The following BCAS3 variants were observed in gnomAD, a reference collection of about 807,000 sequenced individuals.
The protein encoded by BCAS3 is BCAS4/BCAS3 fusion.
Under a neutral mutation model 116.1 loss-of-function variants are expected in BCAS3, and 53 were observed. The observed-to-expected ratio is 0.46, with a 90% CI of 0.37 to 0.57. The LOEUF (loss-of-function observed/expected upper bound fraction) is 0.57, where lower values mean the gene tolerates loss of function less well. Among genes scored for constraint, BCAS3 ranks in the 20% least tolerant of loss-of-function variants. The pLI, the probability that BCAS3 is intolerant of heterozygous loss-of-function variation, is 0.00. For missense variants in BCAS3, 917 were observed against 1,165.4 expected (o/e 0.79, Z 3.10); for synonymous variants, 391 against 408.2 (o/e 0.96, Z 0.51).
chr17:61,263,130 AC>A (rs2049374826), intron 22 of BCAS3, among the ~76,000 whole-genome samples: 1 of 152,252 alleles, frequency 6.6e-6, no homozygotes, highest in Non-Finnish European at 1.5e-5. Context: ...AGAAGTGTTC[AC>A]CGAGGGGAGT....
intron 6 of BCAS3, among the ~76,000 whole-genome samples, chr17:60,776,447 G>A (rs1246221043): frequency 2.6e-5 from 4 of 152,126 alleles, no homozygotes; most frequent in Admixed American, 1.3e-4. Flanking sequence ...ATGGCTGTGC[G>A]CGGTGGCTCA....
Position 61,026,884 on chromosome 17 carries a change from G to C in BCAS3, c.1638-7782G>C, listed in dbSNP as rs201407349. 6.2e-7 allele frequency: 1 copy of C among 1,601,396 alleles called. No homozygotes were observed. Reference sequence around the variant, plus strand: ...CATGAAGGCCTTATCTCTTTGGAGCGGGGTGTTTTTCCATAAAAGCCCCAT... The same window carrying C: ...CATGAAGGCCTTATCTCTTTGGAGCCGGGTGTTTTTCCATAAAAGCCCCAT... On this transcript the variant is annotated intron_variant, in intron 16 of 23. Transcript: ENST00000407086. This position sits in a 1 kb window ranked among gnomAD's most constrained non-coding sequence, Gnocchi z 5.0.
Position 61,282,327 on chromosome 17 carries a change from CTTGG to C in BCAS3, c.2426-85995_2426-85992del, listed in dbSNP as rs2051309255. Among the ~76,000 whole-genome samples, 1 of 152,110 alleles carries C rather than the reference CTTGG, an allele frequency of 6.6e-6. No homozygotes were observed. Among genetic ancestry groups the C allele is most frequent in the African/African-American group, 2.4e-5 (1 of 41,422 alleles). Reference sequence around the variant, plus strand: ...TACCGATGAGAAGGCTTTCCTGAGCCTTGGTTGGGAGCTGAATGAGAAGGGGCAA... The same window carrying C: ...TACCGATGAGAAGGCTTTCCTGAGCCTTGGGAGCTGAATGAGAAGGGGCAA... On this transcript the variant is annotated intron_variant, in intron 22 of 23. Coordinates refer to ENST00000407086, the MANE Select transcript of BCAS3 (RefSeq NM_017679.5). The surrounding 1 kb of genome is among the most constrained non-coding windows in gnomAD (Gnocchi z 5.9).
intron 11 of BCAS3, 35 bp downstream of exon 11, chr17:60,902,738 A>G (rs1279906705): frequency 6.3e-6 from 9 of 1,439,038 alleles, no homozygotes; most frequent in South Asian, 2.3e-5. Context: ...AGTTGTGGTT[A>G]TGTGTAGTAA....
At chr17:60,831,228 G>A (rs1289145295) in intron 7 of BCAS3, among the ~76,000 whole-genome samples, 2 of 152,018 alleles carry the variant, frequency 1.3e-5, no homozygotes, top group African/African-American at 2.4e-5. Flanking sequence ...CCAGGCTGGA[G>A]TGTAGTGGCA....
Position 61,276,415 on chromosome 17 carries a change from C to T in BCAS3, c.2426-91912C>T, listed in dbSNP as rs1294916627. Among the ~76,000 whole-genome samples the T allele has an allele frequency of 3.9e-5, 6 of 151,980 alleles. No individual in the cohort carries two copies. Among genetic ancestry groups the T allele is most frequent in the African/African-American group, 1.2e-4 (5 of 41,462 alleles). On this transcript the variant is annotated intron_variant, in intron 22 of 23. Transcript: ENST00000407086. The surrounding 1 kb of genome is among the most constrained non-coding windows in gnomAD (Gnocchi z 4.2). ...TTCTATACAGTAGCAATGAGCAAAC[C>T]GCAAATAAAATTAGGAAAGCTATTT...
At chr17:61,031,749 T>G (rs1302647351) in intron 16 of BCAS3, among the ~76,000 whole-genome samples, 1 of 152,120 alleles carries the variant, frequency 6.6e-6, no homozygotes, top group Non-Finnish European at 1.5e-5. Context: ...GAAAACTCTT[T>G]TGACTCCTTA....
rs2079987758 is a variant in BCAS3 at position 61,189,695 on chromosome 17, T to G, written c.2425+105131T>G. Among the ~76,000 whole-genome samples, 1 of 152,142 alleles carries G rather than the reference T, an allele frequency of 6.6e-6. No homozygotes were observed. The highest frequency in any genetic ancestry group is 1.9e-4 in the East Asian group (1 of 5,196). On this transcript the variant is annotated intron_variant, in intron 22 of 23. Coordinates refer to ENST00000407086, the MANE Select transcript of BCAS3 (RefSeq NM_017679.5). The surrounding 1 kb of genome is among the most constrained non-coding windows in gnomAD (Gnocchi z 4.5). Reference sequence around the variant, plus strand: ...AGGCATGGTGACTGGATATCAGTCATGAGGAGAAGGGGGAAGAGTTTAATA... The same window carrying G: ...AGGCATGGTGACTGGATATCAGTCAGGAGGAGAAGGGGGAAGAGTTTAATA...
intron 17 of BCAS3, among the ~76,000 whole-genome samples, chr17:61,035,452 G>A (rs895227899): frequency 6.6e-6 from 1 of 151,866 alleles, no homozygotes; most frequent in Admixed American, 6.6e-5. Context: ...GCGTGGTGGT[G>A]CACGCTTGTA....
In BCAS3 at chr17:61,251,117, T is replaced by C. The variant is rs2048338114; in HGVS notation, c.2426-117210T>C. 1.3e-5 allele frequency among the ~76,000 whole-genome samples: 2 copies of C among 152,210 alleles called. No individual in the cohort carries two copies. The highest frequency in any genetic ancestry group is 2.9e-5 in the Non-Finnish European group (2 of 68,040). The stretch of plus-strand genomic sequence containing the variant: ...TCATTTCCTGTGAGCCAGTCTTACA[T>C]CACTGGTGCAAGAATTGGGCAGTGC... On this transcript the variant is annotated intron_variant, in intron 22 of 23. Coordinates refer to ENST00000407086, the MANE Select transcript of BCAS3 (RefSeq NM_017679.5). The surrounding 1 kb of genome is among the most constrained non-coding windows in gnomAD (Gnocchi z 4.7).
chr17:61,324,602 G>C lies in BCAS3; in HGVS notation c.2426-43725G>C, dbSNP rs557840451. Among the ~76,000 whole-genome samples, 1 of 152,166 alleles carries C rather than the reference G, an allele frequency of 6.6e-6. No homozygotes were observed. The highest frequency in any genetic ancestry group is 2.4e-5 in the African/African-American group (1 of 41,436). ...AGCACTGAATGACAGTAAAGTAAGG[G>C]CTGGGCCTGGGGTCAGCAGCCTGGC... On this transcript the variant is annotated intron_variant, in intron 22 of 23. Coordinates refer to ENST00000407086, the MANE Select transcript of BCAS3 (RefSeq NM_017679.5). This position sits in a 1 kb window ranked among gnomAD's most constrained non-coding sequence, Gnocchi z 4.6.
At position 61,073,378 on chromosome 17, in the gene BCAS3, A is replaced by G. The variant is rs1242445095; in HGVS notation, c.2030-1542A>G. Reference sequence around the variant, plus strand: ...ATTTCTCCTCTTGCAGCAAGTTAAGATAAGCTTTTTGTGAGTCTGTGTCTT... The same window carrying G: ...ATTTCTCCTCTTGCAGCAAGTTAAGGTAAGCTTTTTGTGAGTCTGTGTCTT... On this transcript the variant is annotated intron_variant, in intron 19 of 23. Transcript: ENST00000407086. This position sits in a 1 kb window ranked among gnomAD's most constrained non-coding sequence, Gnocchi z 4.6. Among the ~76,000 whole-genome samples, 1 of 152,194 alleles carries G rather than the reference A, an allele frequency of 6.6e-6. No homozygotes were observed. The highest frequency in any genetic ancestry group is 1.5e-5 in the Non-Finnish European group (1 of 68,024).
rs2051834197 is a variant in BCAS3, at chr17:61,286,764, G to C, written c.2426-81563G>C. 6.6e-6 allele frequency among the ~76,000 whole-genome samples: 1 copy of C among 152,200 alleles called. No homozygotes were observed. The highest frequency in any genetic ancestry group is 2.4e-5 in the African/African-American group (1 of 41,454). On this transcript the variant is annotated intron_variant, in intron 22 of 23. Coordinates refer to ENST00000407086, the MANE Select transcript of BCAS3 (RefSeq NM_017679.5). This position sits in a 1 kb window ranked among gnomAD's most constrained non-coding sequence, Gnocchi z 4.8. ...TAAACTCTGCCACGGGCTTACCAGAGTGAGAAGTTAGCATATTGAGGCAAA... is the reference window on the plus strand; with the variant it reads ...TAAACTCTGCCACGGGCTTACCAGACTGAGAAGTTAGCATATTGAGGCAAA...
At chr17:60,776,010 T>C (rs1431391399) in intron 6 of BCAS3, among the ~76,000 whole-genome samples, 1 of 152,210 alleles carries the variant, frequency 6.6e-6, no homozygotes, top group Non-Finnish European at 1.5e-5. Context: ...GCAGTCTTTA[T>C]TGGATTGGAA....
intron 10 of BCAS3, among the ~76,000 whole-genome samples, chr17:60,895,879 G>T (rs1440694032): frequency 1.3e-5 from 2 of 152,190 alleles, no homozygotes; most frequent in African/African-American, 4.8e-5. Context: ...GGTCTGAGAA[G>T]ATACTTGATA....
In BCAS3 at chr17:61,251,341, G is replaced by A. The variant is rs1333384632; in HGVS notation, c.2426-116986G>A. Among the ~76,000 whole-genome samples, 4 of 152,122 alleles carry A rather than the reference G, an allele frequency of 2.6e-5. No homozygotes were observed. Among genetic ancestry groups the A allele is most frequent in the East Asian group, 3.9e-4 (2 of 5,192 alleles). Reference sequence around the variant, plus strand: ...TCCCAGCACTCTGGGAGGCTGAGGCGGGCGGATCACCTGAGGTCAGAGTTT... The same window carrying A: ...TCCCAGCACTCTGGGAGGCTGAGGCAGGCGGATCACCTGAGGTCAGAGTTT... On this transcript the variant is annotated intron_variant, in intron 22 of 23. Coordinates refer to ENST00000407086, the MANE Select transcript of BCAS3 (RefSeq NM_017679.5). This position sits in a 1 kb window ranked among gnomAD's most constrained non-coding sequence, Gnocchi z 4.7.
At chr17:61,237,999 C>G (rs1327290899) in intron 22 of BCAS3, among the ~76,000 whole-genome samples, 1 of 152,162 alleles carries the variant, frequency 6.6e-6, no homozygotes, top group South Asian at 2.1e-4. Context: ...ATGATCACCA[C>G]CCTGAGTTGG....
chr17:60,924,516 G>GTA lies in BCAS3; in HGVS notation c.1087+17_1087+18insAT. ...AATACAAGTGGTAAGTTCGCTCTCT[G>GTA]TCTTTTTTTTTTTTTTTTTTGTAGA... On this transcript the variant is annotated intron_variant, in intron 13 of 23. Transcript: ENST00000407086. The GTA allele has an allele frequency of 4.0e-6, 5 of 1,259,366 alleles. No individual in the cohort carries two copies. The highest frequency in any genetic ancestry group is 2.7e-5 in the East Asian group (1 of 37,078). 78.0% of individuals were successfully genotyped at this position (1,259,366 alleles called of 1,614,324 possible).
In BCAS3 at chr17:61,226,285, A is replaced by C. The variant is rs2082369004; in HGVS notation, c.2425+141721A>C. On this transcript the variant is annotated intron_variant, in intron 22 of 23. Transcript: ENST00000407086. The surrounding 1 kb of genome is among the most constrained non-coding windows in gnomAD (Gnocchi z 6.0). The stretch of plus-strand genomic sequence containing the variant: ...AAAATTCTCTATAAAAAATTCAGGA[A>C]ATAATTGTTTTGTGATACCTAATTT... Among the ~76,000 whole-genome samples the C allele has an allele frequency of 6.6e-6, 1 of 152,216 alleles. No homozygotes were observed. Among genetic ancestry groups the C allele is most frequent in the African/African-American group, 2.4e-5 (1 of 41,454 alleles).
Sources: gnomAD v4.1 joint callset for allele counts (sites outside exome capture counted in the v4.1 genomes callset) on GRCh38, gnomAD v4.1.1 for gene constraint, Gnocchi (gnomAD v3.1) non-coding constraint, MANE v1.5 for transcripts, NCBI Gene and HGNC (gene_info 2026-07-23, HGNC 2026-07-21) for gene names.